ARHGAP6: variants seen among roughly 807,000 people sequenced by gnomAD.
ARHGAP6 encodes the protein Rho GTPase activating protein 6, also known as rho GTPase-activating protein 6.
ARHGAP6 carries 16 observed loss-of-function variants against 55.7 expected under a neutral mutation model. The ratio of observed to expected loss-of-function variants is 0.29; its 90% CI spans 0.19 to 0.44. ARHGAP6 has a LOEUF of 0.44. ARHGAP6 is among the 20% of genes least tolerant of loss of function. The probability of loss-of-function intolerance (pLI) is 1.00; values close to 1 mark genes in which losing one functional copy is unlikely to be tolerated. For missense variants in ARHGAP6, 698 were observed against 808.9 expected (o/e 0.86, Z 1.66); for synonymous variants, 382 against 360.9 (o/e 1.06, Z -0.66).
intron 1 of ARHGAP6, among the ~76,000 whole-genome samples, chrX:11,568,667 G>T (rs1420170380): frequency 3.7e-5 from 4 of 108,102 alleles, no homozygotes; most frequent in Non-Finnish European, 7.6e-5. Flanking sequence ...CAAGACACGA[G>T]AATCTCTTGA....
intron 1 of ARHGAP6, among the ~76,000 whole-genome samples, chrX:11,316,221 C>T (rs777581619): frequency 1.2e-4 from 13 of 112,286 alleles, no homozygotes; most frequent in African/African-American, 4.2e-4. Context: ...CAAAGCCCTT[C>T]TTTAAAGTAG....
Position 11,156,566 on chromosome X carries a change from C to T in ARHGAP6, c.1870G>A (p.Val624Met), listed in dbSNP as rs899041025. ...ISLLETDPDV[V>M]DYLLRRKASQ... is the part of the protein sequence containing the mutation. ...GCCTTTCTTCTGAGTAAATAGTCCA[C>T]GACATCAGGATCGGTCTCTAACAGG... The change falls in exon 10 of 13, where the codon GTG becomes ATG. Residue 624 changes from valine to methionine, a missense_variant. Physicochemically the swap from Val to Met is conservative, Grantham distance 21. Transcript: ENST00000337414. The T allele has an allele frequency of 9.9e-6, 12 of 1,209,712 alleles. No homozygotes were observed. The East Asian group carries it at 1.5e-4, about 15-fold the overall frequency.
intron 1 of ARHGAP6, among the ~76,000 whole-genome samples, chrX:11,337,881 T>C (rs757759227): frequency 2.6e-4 from 29 of 112,258 alleles, no homozygotes; most frequent in African/African-American, 9.1e-4. Context: ...TGGCATCTGC[T>C]TGGATTTCAG....
intron 8 of ARHGAP6, among the ~76,000 whole-genome samples, chrX:11,170,882 C>G (rs1310122962): frequency 9.0e-6 from 1 of 111,069 alleles, no homozygotes; most frequent in Non-Finnish European, 1.9e-5. Flanking sequence ...AACCTGTGTC[C>G]AAGAAGAAAT....
At chrX:11,260,784 C>T (rs1465620858) in intron 1 of ARHGAP6, among the ~76,000 whole-genome samples, 1 of 111,730 alleles carries the variant, frequency 9.0e-6, no homozygotes, top group Non-Finnish European at 1.9e-5. Flanking sequence ...CATACAAAAA[C>T]GGGCATCAGG....
chrX:11,419,405 G>A lies in ARHGAP6; in HGVS notation c.589-164698C>T, dbSNP rs752512555. ...GGATGCCTTAACTTTTGAGATAAAA[G>A]TTAAGACCGTGTTTTGCATTTTGCT... is the stretch of plus-strand genomic sequence containing the variant. On this transcript the variant is annotated intron_variant, in intron 1 of 12. Coordinates refer to ENST00000337414, the MANE Select transcript of ARHGAP6 (RefSeq NM_013427.3). Among the ~76,000 whole-genome samples, 5 of 112,299 alleles carry A rather than the reference G, an allele frequency of 4.5e-5. No individual in the cohort carries two copies. In the East Asian group the frequency reaches 1.4e-3, roughly 31 times the overall value.
rs747022432 is a variant in ARHGAP6, at chrX:11,453,181, GCT to G, written c.589-198476_589-198475del. On this transcript the variant is annotated intron_variant, in intron 1 of 12. Transcript: ENST00000337414. ...TTTTCTGCAGTTTTATGTGGAATTG[GCT>G]CTCTCTCTCTCTATATATATACATA... is the stretch of plus-strand genomic sequence containing the variant. Among the ~76,000 whole-genome samples the G allele has an allele frequency of 9.9e-5, 9 of 90,543 alleles. No individual in the cohort carries two copies. In the South Asian group the frequency reaches 1.5e-3, roughly 15 times the overall value. 78.6% of individuals were successfully genotyped at this position (90,543 alleles called of 115,157 possible).
In ARHGAP6 at chrX:11,176,232, C is replaced by CATATATATATAT. The variant is rs746195419; in HGVS notation, c.1629+1856_1629+1867dup. Among the ~76,000 whole-genome samples the CATATATATATAT allele has an allele frequency of 2.8e-3, 66 of 23,913 alleles. 1 individual carries two copies. The highest frequency in any genetic ancestry group is 0.022 in the East Asian group (5 of 227). The allele number at this position is 23,913 out of a possible 115,157, so 20.8% of individuals were successfully genotyped here. On this transcript the variant is annotated intron_variant, in intron 8 of 12. Transcript: ENST00000337414. Reference sequence around the variant, plus strand: ...CTCTTTTGCCTGTTAAGAGGATTTGCATATATATATATATATATATATATA... The same window carrying CATATATATATAT: ...CTCTTTTGCCTGTTAAGAGGATTTGCATATATATATATATATATATATATATATATATATATA...
At chrX:11,212,965 G>C (rs2046826062) in intron 2 of ARHGAP6, among the ~76,000 whole-genome samples, 1 of 112,807 alleles carries the variant, frequency 8.9e-6, no homozygotes, top group Non-Finnish European at 1.9e-5. Context: ...CAGGTAGTGG[G>C]GCCGTGTGGG....
intron 1 of ARHGAP6, among the ~76,000 whole-genome samples, chrX:11,513,394 A>G (rs2050803992): frequency 8.9e-6 from 1 of 112,240 alleles, no homozygotes; most frequent in Non-Finnish European, 1.9e-5. Context: ...AAGCAAGTTG[A>G]GACTTCAAAG....
intron 10 of ARHGAP6, among the ~76,000 whole-genome samples, chrX:11,146,822 T>C (rs894058478): frequency 1.8e-5 from 2 of 112,156 alleles, no homozygotes; most frequent in African/African-American, 6.5e-5. Context: ...AAATCAGTAG[T>C]AAAATGCTCT....
At chrX:11,292,207 C>T (rs2048006990) in intron 1 of ARHGAP6, among the ~76,000 whole-genome samples, 1 of 112,001 alleles carries the variant, frequency 8.9e-6, no homozygotes, top group Non-Finnish European at 1.9e-5. Context: ...CCAAGTATAA[C>T]ATCAACTGTA....
At chrX:11,345,378 G>T (rs1372650233) in intron 1 of ARHGAP6, among the ~76,000 whole-genome samples, 1 of 112,206 alleles carries the variant, frequency 8.9e-6, no homozygotes, top group Non-Finnish European at 1.9e-5. Flanking sequence ...CAATGAAAGG[G>T]ATTCTTTATT....
intron 2 of ARHGAP6, among the ~76,000 whole-genome samples, chrX:11,225,484 G>A: frequency 9.1e-6 from 1 of 110,483 alleles, no homozygotes; most frequent in Non-Finnish European, 1.9e-5. Context: ...TGACTGATGA[G>A]AAAGATTATG....
intron 1 of ARHGAP6, chrX:11,265,721 C>T: frequency 1.1e-6 from 1 of 904,253 alleles, no homozygotes; most frequent in Non-Finnish European, 1.4e-6. Context: ...TTGCTGTCCT[C>T]TCTAATCTAA....
At chrX:11,331,899 A>T (rs999530810) in intron 1 of ARHGAP6, among the ~76,000 whole-genome samples, 2 of 112,047 alleles carry the variant, frequency 1.8e-5, no homozygotes, top group African/African-American at 6.5e-5. Flanking sequence ...ATATAACTGA[A>T]TACAGAGAAA....
chrX:11,222,989 T>C (rs2046993317), intron 2 of ARHGAP6, among the ~76,000 whole-genome samples: 1 of 112,250 alleles, frequency 8.9e-6, no homozygotes, highest in Admixed American at 9.5e-5. Flanking sequence ...ACCTGAAAGG[T>C]TTTACAGAAA....
intron 3 of ARHGAP6, among the ~76,000 whole-genome samples, chrX:11,191,444 G>A (rs922169218): frequency 9.0e-6 from 1 of 111,378 alleles, no homozygotes; most frequent in Admixed American, 9.5e-5. Context: ...ACGGCTGGTG[G>A]GCCACCCCTG....
intron 1 of ARHGAP6, among the ~76,000 whole-genome samples, chrX:11,292,299 C>A (rs5979394): frequency 0.26 from 28,828 of 110,739 alleles, 3,242 homozygotes; most frequent in African/African-American, 0.44. Context: ...CTAATTACAA[C>A]TTTGCTCAAT....
Sources: gnomAD v4.1 joint callset for allele counts (sites outside exome capture counted in the v4.1 genomes callset) on GRCh38, gnomAD v4.1.1 for gene constraint, MANE v1.5 for transcripts, NCBI Gene and HGNC (gene_info 2026-07-23, HGNC 2026-07-21) for gene names.